The following CEP250 variants were observed in gnomAD, a reference collection of about 807,000 sequenced individuals.
CEP250 encodes the protein centrosomal protein 250, also known as centrosome-associated protein CEP250.
In CEP250, 242 loss-of-function variants were observed where a neutral mutation model predicts 315.7. The observed-to-expected ratio is 0.77, with a 90% CI of 0.69 to 0.85. The LOEUF (loss-of-function observed/expected upper bound fraction) is 0.85. CEP250 is among the 40% of genes least tolerant of loss of function. CEP250 has a pLI of 0.00. For synonymous variants in CEP250, 1,088 were observed against 1,175.0 expected, an observed-to-expected ratio of 0.93 and a Z score of 1.51; for missense variants, 2,515 against 2,886.4, an observed-to-expected ratio of 0.87 and a Z score of 2.95.
At chr20:35,462,724 GC>G (rs2062784129) in intron 4 of CEP250, among the ~76,000 whole-genome samples, 171 bp downstream of exon 4, 1 of 152,174 alleles carries the variant, frequency 6.6e-6, no homozygotes, top group African/African-American at 2.4e-5. Flanking sequence ...CTCTTTTGAT[GC>G]TCACAACTGC....
In CEP250 at chr20:35,503,514, C is replaced by T. The variant is rs1367533270; in HGVS notation, c.5145C>T (p.Gly1715=). The T allele has an allele frequency of 3.7e-6, 6 of 1,614,010 alleles. No individual in the cohort carries two copies. The highest frequency in any genetic ancestry group is 4.2e-6 in the Non-Finnish European group (5 of 1,179,996). ...LMQERAEEGK[G]PSKAQRGSLE... ...AGGAACGGGCAGAGGAAGGGAAGGG[C>T]CCAAGTAAAGCACAGCGCGGGAGCC... The change falls in exon 30 of 35, where the codon GGC becomes GGT. Residue 1715 remains glycine, a synonymous_variant. Coordinates refer to ENST00000397527, the MANE Select transcript of CEP250 (RefSeq NM_007186.6). The surrounding 1 kb of genome is among the most constrained non-coding windows in gnomAD (Gnocchi z 4.2).
chr20:35,491,405 A>T, intron 22 of CEP250, 59 bp downstream of exon 22: 1 of 1,537,780 alleles, frequency 6.5e-7, no homozygotes. Context: ...CCATTCGACC[A>T]TGAAGGGTTC....
intron 22 of CEP250, among the ~76,000 whole-genome samples, chr20:35,491,761 G>A (rs1012280982): frequency 6.6e-6 from 1 of 152,188 alleles, no homozygotes; most frequent in East Asian, 1.9e-4. Context: ...AATTAGCTGT[G>A]TGTGGTGGCA....
rs1257036869 is a variant in CEP250 at position 35,511,455 on chromosome 20, C to T, written c.7158C>T (p.Gly2386=). The T allele has an allele frequency of 1.9e-6, 3 of 1,614,000 alleles. No individual in the cohort carries two copies. The East Asian group carries it at 6.7e-5, about 36-fold the overall frequency. Residue 2386 remains glycine (G), a synonymous_variant, in exon 35 of 35, where the codon GGC becomes GGT. Transcript: ENST00000397527. The part of the protein sequence containing the change: ...RSAQTSRELA[G]LHHSLSHSLL... ...CACAGACCAGCCGTGAGCTAGCAGG[C>T]CTGCACCACAGCCTCTCACACTCAC...
intron 20 of CEP250, among the ~76,000 whole-genome samples, chr20:35,482,371 C>T (rs190746989): frequency 6.2e-4 from 94 of 152,074 alleles, no homozygotes; most frequent in African/African-American, 1.9e-3. Flanking sequence ...GCTGAGACCA[C>T]AGGCGCTCAC....
chr20:35,478,652 C>T (rs1312347414), intron 17 of CEP250, among the ~76,000 whole-genome samples: 1 of 152,216 alleles, frequency 6.6e-6, no homozygotes, highest in East Asian at 1.9e-4. Context: ...ACTCTGATAG[C>T]ACCTCATGCT....
At position 35,516,911 on chromosome 20, in the gene CEP250, G is replaced by A. The variant is rs8121389; in HGVS notation, c.*5285G>A. 5.4e-3 allele frequency: 4,880 copies of A among 901,174 alleles called. 199 individuals are homozygous for A. The African/African-American group carries it at 0.079, about 15-fold the overall frequency. The allele number at this position is 901,174 out of a possible 1,614,324, so 55.8% of individuals were successfully genotyped here. On this transcript the variant is annotated 3_prime_UTR_variant, in exon 35 of 35. Coordinates refer to ENST00000397527, the MANE Select transcript of CEP250 (RefSeq NM_007186.6). ...ATTCAGGTTAGACCTCTGAGCAGAC[G>A]GCAGAAACGTCAGCCACAGGTGAGC...
At position 35,502,452 on chromosome 20, in the gene CEP250, A is replaced by G. The variant is rs2064034893; in HGVS notation, c.4083A>G (p.Gln1361=). ...ENLTAQVEHL[Q]AAVVEARAQA... is the part of the protein sequence containing the mutation. ...TGACAGCCCAGGTGGAACACCTGCA[A>G]GCAGCTGTCGTAGAAGCCAGGGCTC... Residue 1361 remains glutamine, a synonymous_variant, in exon 30 of 35, where the codon CAA becomes CAG. Coordinates refer to ENST00000397527, the MANE Select transcript of CEP250 (RefSeq NM_007186.6). 6.2e-7 allele frequency: 1 copy of G among 1,614,066 alleles called. No individual in the cohort carries two copies.
In CEP250 at chr20:35,493,508, A is replaced by AC. The variant is rs1244208094; in HGVS notation, c.2971dup (p.Leu991ProfsTer15). ...GAGGCAGCCCGGCAGCACAGAGATG[A>AC]CCTTGCTGCCCTCCAAGAAGAGAGC... On this transcript the variant is annotated frameshift_variant, in exon 23 of 35. Transcript: ENST00000397527. LOFTEE classifies it high-confidence loss of function. 6.2e-7 allele frequency: 1 copy of AC among 1,609,148 alleles called. No individual in the cohort carries two copies. Among genetic ancestry groups the AC allele is most frequent in the Non-Finnish European group, 8.5e-7 (1 of 1,178,004 alleles).
Position 35,467,575 on chromosome 20 carries a change from CA to C in CEP250, c.851+22del. 6.2e-7 allele frequency: 1 copy of C among 1,611,072 alleles called. No individual in the cohort carries two copies. The highest frequency in any genetic ancestry group is 8.5e-7 in the Non-Finnish European group (1 of 1,178,698). Reference sequence around the variant, plus strand: ...GGACCGGTGAGATGGCCTGGGGTCCCAAGAAGGGTTCGCTGAGAGAGAGCTG... The same window carrying C: ...GGACCGGTGAGATGGCCTGGGGTCCCAGAAGGGTTCGCTGAGAGAGAGCTG... On this transcript the variant is annotated intron_variant, in intron 9 of 34. Coordinates refer to ENST00000397527, the MANE Select transcript of CEP250 (RefSeq NM_007186.6).
intron 10 of CEP250, 195 bp downstream of exon 10, chr20:35,470,181 AC>A: frequency 1.7e-6 from 1 of 605,618 alleles, no homozygotes; most frequent in South Asian, 2.1e-5. Context: ...TTGACTGTCT[AC>A]TATCCCTACT....
rs781195924 is a variant in CEP250 at position 35,479,759 on chromosome 20, A to G, written c.2402A>G (p.Lys801Arg). The G allele has an allele frequency of 6.8e-6, 11 of 1,614,220 alleles. No homozygotes were observed. Among genetic ancestry groups the G allele is most frequent in the Admixed American group, 1.7e-5 (1 of 60,012 alleles). Residue 801 changes from lysine (K) to arginine (R), a missense_variant, in exon 19 of 35, where the codon AAG (lysine) becomes AGG (arginine). Transcript: ENST00000397527. ...EVQIQTVTQAKEVIQGEVRCL... is the reference protein window; with the variant it reads ...EVQIQTVTQAREVIQGEVRCL... ...CAGATTCAAACTGTCACTCAAGCCA[A>G]GGAAGTAATCCAAGGTGAGAACCCA...
chr20:35,483,881 C>A (rs1177067444), intron 20 of CEP250, among the ~76,000 whole-genome samples: 1 of 151,978 alleles, frequency 6.6e-6, no homozygotes, highest in Non-Finnish European at 1.5e-5. Context: ...ATTCTATTCA[C>A]CAAGTTTTAA....
Position 35,515,304 on chromosome 20 carries a change from C to T in CEP250, c.*3678C>T, listed in dbSNP as rs115433608. 0.12 allele frequency: 18,322 copies of T among 152,400 alleles called. 1,356 individuals are homozygous for T. The highest frequency in any genetic ancestry group is 0.21 in the African/African-American group (8,818 of 41,524). 9.4% of individuals were successfully genotyped at this position (152,400 alleles called of 1,614,324 possible). ...AAGGGATCAAGAAGAGGATGCAGCC[C>T]AGAGCCCAGGACCGAGCATCCACCG... On this transcript the variant is annotated 3_prime_UTR_variant, in exon 35 of 35. Coordinates refer to ENST00000397527, the MANE Select transcript of CEP250 (RefSeq NM_007186.6).
At position 35,516,932 on chromosome 20, in the gene CEP250, T is replaced by G. The variant is rs1601338821; in HGVS notation, c.*5306T>G. Reference sequence around the variant, plus strand: ...AGACGGCAGAAACGTCAGCCACAGGTGAGCATAAGCTCAAACCCCCCCATT... The same window carrying G: ...AGACGGCAGAAACGTCAGCCACAGGGGAGCATAAGCTCAAACCCCCCCATT... On this transcript the variant is annotated 3_prime_UTR_variant, in exon 35 of 35. Transcript: ENST00000397527. The G allele has an allele frequency of 1.0e-6, 1 of 974,696 alleles. No individual in the cohort carries two copies. The highest frequency in any genetic ancestry group is 1.2e-6 in the Non-Finnish European group (1 of 820,186). The allele number at this position is 974,696 out of a possible 1,614,324, so 60.4% of individuals were successfully genotyped here.
At chr20:35,489,810 A>C (rs935932482) in intron 20 of CEP250, among the ~76,000 whole-genome samples, 2 of 152,218 alleles carry the variant, frequency 1.3e-5, no homozygotes, top group South Asian at 2.1e-4. Flanking sequence ...AGAGGAGAGC[A>C]GGCAGCAGAC....
chr20:35,464,370 G>A (rs1157211606), intron 5 of CEP250, among the ~76,000 whole-genome samples: 1 of 152,246 alleles, frequency 6.6e-6, no homozygotes, highest in East Asian at 1.9e-4. Flanking sequence ...GTGGACTGGT[G>A]CAGTCATGAG....
chr20:35,481,967 T>C (rs2063357455), intron 20 of CEP250, among the ~76,000 whole-genome samples: 2 of 151,714 alleles, frequency 1.3e-5, no homozygotes, highest in African/African-American at 4.8e-5. Flanking sequence ...TCCCAAAGTG[T>C]TGGGATTACA....
At chr20:35,499,915 G>C in intron 27 of CEP250, 134 bp from the exon 28 acceptor site, 1 of 1,093,420 alleles carries the variant, frequency 9.1e-7, no homozygotes. Context: ...TTTAAAGGAA[G>C]TAACCCGGCA....
Sources: gnomAD v4.1 joint callset for allele counts (sites outside exome capture counted in the v4.1 genomes callset) on GRCh38, gnomAD v4.1.1 for gene constraint, Gnocchi (gnomAD v3.1) non-coding constraint, MANE v1.5 for transcripts, NCBI Gene and HGNC (gene_info 2026-07-23, HGNC 2026-07-21) for gene names.